Variants in HAVCR1 observed in about 807,000 individuals in gnomAD.
The protein encoded by HAVCR1 is hepatitis A virus cellular receptor 1, also known as T cell immunoglobin domain and mucin domain protein 1.
In HAVCR1, 34 loss-of-function variants were observed where a neutral mutation model predicts 32.0. The observed-to-expected ratio is 1.06, with a 90% CI of 0.81 to 1.42. HAVCR1 has a LOEUF of 1.42. Among genes scored for constraint, HAVCR1 ranks in the 40% most tolerant of loss-of-function variants. The probability of loss-of-function intolerance (pLI) is 0.00; values close to 1 mark genes in which losing one functional copy is unlikely to be tolerated. For missense variants in HAVCR1, 420 were observed against 442.3 expected (o/e 0.95, Z 0.45); for synonymous variants, 178 against 170.3 (o/e 1.05, Z -0.35).
At chr5:157,054,798 A>G (rs575129045) in intron 3 of HAVCR1, among the ~76,000 whole-genome samples, 1 of 152,204 alleles carries the variant, frequency 6.6e-6, no homozygotes, top group Non-Finnish European at 1.5e-5. Flanking sequence ...AAAACAACCA[A>G]TTGCATAGTA....
chr5:157,044,464 AAAGAAAGGAAGGAAGGAAGG>A (rs1434681506), intron 5 of HAVCR1, among the ~76,000 whole-genome samples: 3 of 77,296 alleles, frequency 3.9e-5, no homozygotes, highest in Non-Finnish European at 7.9e-5. Flanking sequence ...AGAAAGAAAG[AAAGAAAGGAAGGAAGGAAGG>A]AAGGAAGGAA....
In HAVCR1 at chr5:157,045,061, C is replaced by A. The variant is rs563564369; in HGVS notation, c.782-2379G>T. On this transcript the variant is annotated intron_variant, in intron 5 of 8. Coordinates refer to ENST00000523175, the MANE Select transcript of HAVCR1 (RefSeq NM_001173393.3). Reference sequence around the variant, plus strand: ...AGATGCATGAAACCAAGGATAGTACCAAACCCTATAGAGACCATGTTTTTC... The same window carrying A: ...AGATGCATGAAACCAAGGATAGTACAAAACCCTATAGAGACCATGTTTTTC... 2.3e-3 allele frequency among the ~76,000 whole-genome samples: 347 copies of A among 152,110 alleles called. 3 individuals carry two copies. Among genetic ancestry groups the A allele is most frequent in the African/African-American group, 8.1e-3 (338 of 41,496 alleles).
At chr5:157,066,300 G>C in the HAVCR1 span, among the ~76,000 whole-genome samples, 1 of 152,070 alleles carries the variant, frequency 6.6e-6, no homozygotes, top group Non-Finnish European at 1.5e-5. Context: ...AAGTTTACAA[G>C]AAGGAAAATC....
intron 6 of HAVCR1, among the ~76,000 whole-genome samples, chr5:157,042,248 C>G (rs1159717790): frequency 6.6e-6 from 1 of 151,620 alleles, no homozygotes; most frequent in Non-Finnish European, 1.5e-5. Flanking sequence ...CGAGACTATC[C>G]TGGCTAACAC....
upstream of HAVCR1, among the ~76,000 whole-genome samples, chr5:157,063,635 C>T (rs1223619504): frequency 6.6e-6 from 1 of 152,144 alleles, no homozygotes; most frequent in African/African-American, 2.4e-5. Context: ...TTTAAAACAT[C>T]ACTAAAATGT....
chr5:157,049,600 T>A (rs549734793), intron 4 of HAVCR1, among the ~76,000 whole-genome samples: 1 of 152,290 alleles, frequency 6.6e-6, no homozygotes, highest in South Asian at 2.1e-4. Flanking sequence ...CCTACCCCCT[T>A]CACAACAGCC....
chr5:157,061,895 G>A (rs1386556500), upstream of HAVCR1, among the ~76,000 whole-genome samples: 1 of 152,144 alleles, frequency 6.6e-6, no homozygotes, highest in African/African-American at 2.4e-5. Flanking sequence ...ACAGGGATGT[G>A]GAGCCAAGGC....
chr5:157,041,255 T>G (rs35279110), intron 6 of HAVCR1, among the ~76,000 whole-genome samples: 32,537 of 152,108 alleles, frequency 0.21, 4,140 homozygotes, highest in Admixed American at 0.32. Context: ...TCCAGCACTT[T>G]GGGAGGCCAA....
chr5:157,053,940 G>T (rs531820784), intron 3 of HAVCR1, among the ~76,000 whole-genome samples: 23 of 152,142 alleles, frequency 1.5e-4, no homozygotes, highest in African/African-American at 5.1e-4. Context: ...CAGCCCTTTG[G>T]GAGGCCGAGG....
chr5:157,057,767 C>A, intron 2 of HAVCR1, 131 bp downstream of exon 2: 1 of 707,722 alleles, frequency 1.4e-6, no homozygotes, highest in Non-Finnish European at 2.6e-6. Context: ...TAACTCATAG[C>A]CATACAACGG....
chr5:157,059,950 G>C (rs1756436975), upstream of HAVCR1, among the ~76,000 whole-genome samples: 1 of 152,104 alleles, frequency 6.6e-6, no homozygotes, highest in South Asian at 2.1e-4. Flanking sequence ...CTGCACACCA[G>C]CCGGGGTGAC....
At chr5:157,037,030 C>T (rs192921100) in intron 7 of HAVCR1, among the ~76,000 whole-genome samples, 1 of 152,174 alleles carries the variant, frequency 6.6e-6, no homozygotes, top group East Asian at 1.9e-4. Flanking sequence ...ACACCCAGCT[C>T]CCATTCTTAG....
chr5:157,053,168 C>G (rs1445199837), intron 3 of HAVCR1, among the ~76,000 whole-genome samples: 1 of 151,562 alleles, frequency 6.6e-6, no homozygotes, highest in Non-Finnish European at 1.5e-5. Context: ...GGGTGGACTA[C>G]TTCAGCTCAG....
At chr5:157,058,030 T>G (rs2113651585) in intron 1 of HAVCR1, 75 bp from the exon 2 acceptor site, 1 of 1,021,208 alleles carries the variant, frequency 9.8e-7, no homozygotes, top group African/African-American at 1.6e-5. Context: ...AAATCTCAGA[T>G]TGCAACTTAT....
At chr5:157,062,945 C>A (rs1756519549), upstream of HAVCR1, among the ~76,000 whole-genome samples, 1 of 151,774 alleles carries the variant, frequency 6.6e-6, no homozygotes, top group Admixed American at 6.6e-5. Context: ...TATGGCAAAC[C>A]CCTGTCTCTA....
chr5:157,052,164 A>G (rs188562147), intron 4 of HAVCR1, among the ~76,000 whole-genome samples, 197 bp downstream of exon 4: 4 of 152,288 alleles, frequency 2.6e-5, no homozygotes, highest in African/African-American at 9.6e-5. Flanking sequence ...GGGTCCCCTC[A>G]CTCCAAAAAT....
intron 5 of HAVCR1, among the ~76,000 whole-genome samples, chr5:157,048,558 C>T (rs1471186387): frequency 1.3e-5 from 2 of 152,140 alleles, no homozygotes; most frequent in African/African-American, 2.4e-5. Flanking sequence ...CAGCTGGGCA[C>T]GGTGGCTGAT....
At chr5:157,048,133 G>A (rs1581709634) in intron 5 of HAVCR1, among the ~76,000 whole-genome samples, 1 of 152,270 alleles carries the variant, frequency 6.6e-6, no homozygotes, top group Middle Eastern at 3.4e-3. Flanking sequence ...CCCCATCTGA[G>A]AATGCTCATG....
intron 5 of HAVCR1, among the ~76,000 whole-genome samples, chr5:157,046,778 T>C (rs2113579213): frequency 6.6e-6 from 1 of 152,312 alleles, no homozygotes; most frequent in Admixed American, 6.5e-5. Flanking sequence ...GGCCTCTTTT[T>C]GTTTAACTAA....
Sources: allele counts gnomAD v4.1 joint callset (sites outside exome capture counted in the v4.1 genomes callset), GRCh38; gene constraint gnomAD v4.1.1; transcripts MANE v1.5; gene names NCBI Gene and HGNC (gene_info 2026-07-23, HGNC 2026-07-21).